HIVEP3: variants seen among roughly 807,000 people sequenced by gnomAD.
The protein encoded by HIVEP3 is HIVEP zinc finger 3.
In HIVEP3, 49 loss-of-function variants were observed where a neutral mutation model predicts 152.8. The ratio of observed to expected loss-of-function variants is 0.32; its 90% CI spans 0.26 to 0.41. HIVEP3 has a LOEUF of 0.41. HIVEP3 is among the 10% of genes least tolerant of loss of function. The probability of loss-of-function intolerance (pLI) is 1.00; values close to 1 mark genes in which losing one functional copy is unlikely to be tolerated. For synonymous variants in HIVEP3, 1,269 were observed against 1,289.0 expected (o/e 0.98, Z 0.33); for missense variants, 2,790 against 3,103.3 (o/e 0.90, Z 2.40).
intron 1 of HIVEP3, among the ~76,000 whole-genome samples, chr1:41,990,367 C>A (rs541313256): frequency 6.6e-6 from 1 of 151,992 alleles, no homozygotes; most frequent in Non-Finnish European, 1.5e-5. Context: ...TTTTCCTTCA[C>A]AGACTTTAAA....
At chr1:41,730,409 C>A (rs1646821484) in intron 1 of HIVEP3, among the ~76,000 whole-genome samples, 1 of 152,212 alleles carries the variant, frequency 6.6e-6, no homozygotes, top group Admixed American at 6.5e-5. Flanking sequence ...GCTGGGCCTG[C>A]ACAACCCTGC....
intron 5 of HIVEP3, among the ~76,000 whole-genome samples, chr1:41,547,760 C>T (rs1360950096): frequency 6.6e-6 from 1 of 152,174 alleles, no homozygotes; most frequent in Non-Finnish European, 1.5e-5. Flanking sequence ...GTATTCATTG[C>T]CACTCTCCCC....
chr1:41,935,162 C>A (rs1319348553), intron 1 of HIVEP3, among the ~76,000 whole-genome samples: 1 of 152,108 alleles, frequency 6.6e-6, no homozygotes, highest in African/African-American at 2.4e-5. Context: ...TCACTACTAG[C>A]CAAAGACTAT....
At chr1:41,627,945 T>A (rs2149148546) in intron 3 of HIVEP3, among the ~76,000 whole-genome samples, 1 of 145,364 alleles carries the variant, frequency 6.9e-6, no homozygotes. Context: ...AATCCCCAGC[T>A]CTCTGGGTGA....
intron 1 of HIVEP3, among the ~76,000 whole-genome samples, chr1:41,851,436 G>A (rs539714042): frequency 1.3e-5 from 2 of 151,674 alleles, no homozygotes; most frequent in South Asian, 4.2e-4. Context: ...CCAAGTAGCT[G>A]GGTCTACAGG....
At chr1:41,899,220 C>T (rs1644580847) in intron 1 of HIVEP3, among the ~76,000 whole-genome samples, 1 of 152,180 alleles carries the variant, frequency 6.6e-6, no homozygotes, top group Admixed American at 6.5e-5. Context: ...ATAACTTAAA[C>T]CAGAAATGTG....
chr1:41,640,703 G>C (rs150720839), intron 2 of HIVEP3, among the ~76,000 whole-genome samples: 1 of 152,350 alleles, frequency 6.6e-6, no homozygotes, highest in Non-Finnish European at 1.5e-5. Flanking sequence ...AGAAGCCAGA[G>C]GTAGAGGAAG....
intron 1 of HIVEP3, among the ~76,000 whole-genome samples, chr1:41,867,637 A>C (rs1644002552): frequency 6.6e-6 from 1 of 152,178 alleles, no homozygotes; most frequent in Non-Finnish European, 1.5e-5. Context: ...CTCGTGCTTA[A>C]CCTTGGAAGC....
intron 1 of HIVEP3, among the ~76,000 whole-genome samples, chr1:42,015,050 C>A (rs958859677): frequency 1.2e-4 from 18 of 152,156 alleles, no homozygotes; most frequent in African/African-American, 4.1e-4. Context: ...TGTGGAGAGG[C>A]AAAGCCAGGG....
At chr1:41,666,124 T>C (rs1239801375) in intron 2 of HIVEP3, among the ~76,000 whole-genome samples, 1 of 76,180 alleles carries the variant, frequency 1.3e-5, no homozygotes, top group African/African-American at 1.1e-4. Flanking sequence ...TGTGTGTGCG[T>C]GTGTGTGTGT....
chr1:41,583,209 C>G lies in HIVEP3; in HGVS notation c.1589G>C (p.Ser530Thr), dbSNP rs778293954. The change falls in exon 4 of 9, where the codon AGT becomes ACT. Residue 530 changes from serine (S) to threonine (T), a missense_variant. Ser to Thr is a moderately conservative substitution (Grantham distance 58). This residue lies in a region of HIVEP3 where 339 missense variants were observed against 327.0 expected (regional missense o/e 1.04). Transcript: ENST00000372583. This position sits in a 1 kb window ranked among gnomAD's most constrained non-coding sequence, Gnocchi z 6.9. ...QSLLSLQHPPSTAPPVPLLRS... is the reference protein window; with the variant it reads ...QSLLSLQHPPTTAPPVPLLRS... The stretch of plus-strand genomic sequence containing the variant: ...CAGGAGAGGCACAGGGGGGGCGGTA[C>G]TGGGCGGGTGCTGGAGGCTCAGCAG... 6.8e-6 allele frequency: 11 copies of G among 1,610,532 alleles called. No homozygotes were observed. The highest frequency in any genetic ancestry group is 2.2e-5 in the East Asian group (1 of 44,834).
intron 3 of HIVEP3, among the ~76,000 whole-genome samples, chr1:41,611,107 C>G (rs1335977727): frequency 6.6e-6 from 1 of 152,240 alleles, no homozygotes; most frequent in Non-Finnish European, 1.5e-5. Context: ...GAGAAAATTA[C>G]TAGTGTATGT....
At chr1:41,998,955 G>A (rs1645411389) in intron 1 of HIVEP3, among the ~76,000 whole-genome samples, 1 of 124,616 alleles carries the variant, frequency 8.0e-6, no homozygotes, top group Admixed American at 1.0e-4. Flanking sequence ...GAGCGCAATG[G>A]TGCGATCTCA....
chr1:41,886,635 C>T (rs1227077544), intron 1 of HIVEP3, among the ~76,000 whole-genome samples: 1 of 138,246 alleles, frequency 7.2e-6, no homozygotes, highest in African/African-American at 2.7e-5. Context: ...TTGCTTGAAC[C>T]TGGGAGGCGG....
chr1:41,796,686 T>C (rs998464448), intron 1 of HIVEP3, among the ~76,000 whole-genome samples: 1 of 152,272 alleles, frequency 6.6e-6, no homozygotes, highest in African/African-American at 2.4e-5. Context: ...TTATTCTTGG[T>C]ACTTCTCTGT....
chr1:41,598,046 G>A (rs1342036199), intron 3 of HIVEP3, among the ~76,000 whole-genome samples: 2 of 152,186 alleles, frequency 1.3e-5, no homozygotes, highest in East Asian at 3.8e-4. Context: ...GAACTCAGTG[G>A]GCATCTATGA....
At chr1:41,666,397 T>C (rs948588597) in intron 2 of HIVEP3, among the ~76,000 whole-genome samples, 1 of 152,172 alleles carries the variant, frequency 6.6e-6, no homozygotes, top group African/African-American at 2.4e-5. Context: ...GGGTTCAGGC[T>C]CCAGCCCCAC....
At chr1:41,776,868 C>T (rs1251086732) in intron 1 of HIVEP3, among the ~76,000 whole-genome samples, 1 of 152,214 alleles carries the variant, frequency 6.6e-6, no homozygotes, top group Non-Finnish European at 1.5e-5. Flanking sequence ...TACAGCAGAT[C>T]TTCACTGTGA....
At chr1:41,905,626 A>C (rs978451194) in intron 1 of HIVEP3, among the ~76,000 whole-genome samples, 2 of 152,226 alleles carry the variant, frequency 1.3e-5, no homozygotes, top group African/African-American at 4.8e-5. Flanking sequence ...AACTTGTCCA[A>C]GATCACACAG....
Sources: gnomAD v4.1 joint callset for allele counts (sites outside exome capture counted in the v4.1 genomes callset) on GRCh38, gnomAD v4.1.1 for gene constraint, gnomAD v4.1.1 regional missense constraint, Gnocchi (gnomAD v3.1) non-coding constraint, MANE v1.5 for transcripts, NCBI Gene and HGNC (gene_info 2026-07-23, HGNC 2026-07-21) for gene names.